Variants in B3GALT1 observed in about 807,000 individuals in gnomAD.
The protein encoded by B3GALT1 is UDP-Gal:betaGlcNAc beta 1,3-galactosyltransferase, polypeptide 1.
Under a neutral mutation model 23.2 loss-of-function variants are expected in B3GALT1, and 10 were observed. The ratio of observed to expected loss-of-function variants is 0.43; its 90% CI spans 0.27 to 0.73. B3GALT1 has a LOEUF of 0.73. Among genes scored for constraint, B3GALT1 ranks in the 30% least tolerant of loss-of-function variants. The probability of loss-of-function intolerance (pLI) is 0.21; values close to 1 mark genes in which losing one functional copy is unlikely to be tolerated. For synonymous variants in B3GALT1, 156 were observed against 141.5 expected (o/e 1.10, Z -0.73); for missense variants, 299 against 405.4 (o/e 0.74, Z 2.25).
intron 3 of B3GALT1, among the ~76,000 whole-genome samples, chr2:167,725,579 A>G (rs1156769131): frequency 6.6e-6 from 1 of 152,206 alleles, no homozygotes; most frequent in Non-Finnish European, 1.5e-5. Flanking sequence ...GGGCTAAAAT[A>G]CTTTCCCAAG....
chr2:167,466,905 T>G (rs1339982696), intron 1 of B3GALT1, among the ~76,000 whole-genome samples: 1 of 146,392 alleles, frequency 6.8e-6, no homozygotes, highest in African/African-American at 2.5e-5. Context: ...TTTTTTGTAT[T>G]TTAGTAGAGA....
chr2:167,587,657 C>G (rs1371361975), intron 2 of B3GALT1, among the ~76,000 whole-genome samples: 2 of 152,162 alleles, frequency 1.3e-5, no homozygotes, highest in African/African-American at 4.8e-5. Context: ...CTTTACTTCA[C>G]AAGATATGGC....
At chr2:167,465,958 A>G (rs1019947608) in intron 1 of B3GALT1, among the ~76,000 whole-genome samples, 1 of 152,022 alleles carries the variant, frequency 6.6e-6, no homozygotes, top group African/African-American at 2.4e-5. Context: ...AGAAAAGCTC[A>G]GTGACATTAT....
chr2:167,516,796 T>C (rs183117958), intron 2 of B3GALT1, among the ~76,000 whole-genome samples: 56 of 152,148 alleles, frequency 3.7e-4, no homozygotes, highest in Non-Finnish European at 3.8e-4. Flanking sequence ...CATGTAATGC[T>C]GCAGCCATAA....
At position 167,714,191 on chromosome 2, in the gene B3GALT1, C is replaced by T. The variant is rs1477453694; in HGVS notation, c.-352+67225C>T. On this transcript the variant is annotated intron_variant, in intron 3 of 4. Transcript: ENST00000392690. ...CAGTCTATCAGAATTAGAATAAAAT[C>T]TGTCTTCCCTTTGTGGAGGAAGAGC... 2.0e-6 allele frequency: 3 copies of T among 1,514,380 alleles called. No individual in the cohort carries two copies. In the South Asian group the frequency reaches 3.4e-5, roughly 17 times the overall value. 93.8% of individuals were successfully genotyped at this position (1,514,380 alleles called of 1,614,324 possible).
intron 1 of B3GALT1, among the ~76,000 whole-genome samples, chr2:167,435,190 T>A (rs936456200): frequency 2.6e-5 from 4 of 151,768 alleles, no homozygotes; most frequent in Non-Finnish European, 4.4e-5. Context: ...TTTTTAGGCT[T>A]TACAACAACC....
intron 1 of B3GALT1, among the ~76,000 whole-genome samples, chr2:167,469,932 A>C (rs920714273): frequency 2.4e-4 from 37 of 152,316 alleles, no homozygotes; most frequent in Non-Finnish European, 8.8e-5. Context: ...AAATTGTATA[A>C]ATTTTTTAGG....
intron 3 of B3GALT1, among the ~76,000 whole-genome samples, chr2:167,786,658 T>G (rs1688349294): frequency 6.6e-6 from 1 of 152,230 alleles, no homozygotes; most frequent in African/African-American, 2.4e-5. Flanking sequence ...TATTTGTAAC[T>G]GAAACATCAA....
chr2:167,462,893 A>G (rs932962451), intron 1 of B3GALT1, among the ~76,000 whole-genome samples: 24 of 152,308 alleles, frequency 1.6e-4, no homozygotes, highest in African/African-American at 4.8e-4. Context: ...CACCTTTTTC[A>G]GAGAATAAAA....
intron 4 of B3GALT1, among the ~76,000 whole-genome samples, chr2:167,822,304 T>C (rs116073321): frequency 0.018 from 2,589 of 141,214 alleles, 74 homozygotes; most frequent in African/African-American, 0.063. Context: ...TCAGAAGAGG[T>C]GCTAAACTAA....
At chr2:167,413,705 C>A (rs927075890) in intron 1 of B3GALT1, among the ~76,000 whole-genome samples, 21 of 151,650 alleles carry the variant, frequency 1.4e-4, no homozygotes, top group Non-Finnish European at 2.9e-5. Flanking sequence ...CTGATATATC[C>A]TTTTTCATTA....
At position 167,744,288 on chromosome 2, in the gene B3GALT1, A is replaced by G. The variant is rs1413360819; in HGVS notation, c.-351-74384A>G. 3.9e-5 allele frequency among the ~76,000 whole-genome samples: 6 copies of G among 152,264 alleles called. 1 individual carries two copies. In the South Asian group the frequency reaches 1.2e-3, roughly 32 times the overall value. On this transcript the variant is annotated intron_variant, in intron 3 of 4. Transcript: ENST00000392690. ...TTCATCATTTTTATCTGCTTCATCT[A>G]TTAATTGAAAGGGTTGTATTTGGAA...
At chr2:167,688,239 A>C (rs958700792) in intron 3 of B3GALT1, among the ~76,000 whole-genome samples, 2 of 152,120 alleles carry the variant, frequency 1.3e-5, no homozygotes, top group African/African-American at 4.8e-5. Context: ...TAATAAAAGC[A>C]CCTTAGCAAA....
Position 167,512,621 on chromosome 2 carries a change from C to T in B3GALT1, c.-410+22344C>T, listed in dbSNP as rs57117354. On this transcript the variant is annotated intron_variant, in intron 2 of 4. Transcript: ENST00000392690. ...ATATATATATATGTATATATATATA[C>T]GTGTATATATATATACATATATATA... Among the ~76,000 whole-genome samples, 638 of 37,488 alleles carry T rather than the reference C, an allele frequency of 0.017. 35 individuals carry two copies. In the East Asian group the frequency reaches 0.2, roughly 11 times the overall value. 24.6% of individuals were successfully genotyped at this position (37,488 alleles called of 152,430 possible). A position where few individuals can be genotyped will look rare whatever the true frequency, so the allele number is the denominator to read the frequency against.
At chr2:167,707,568 A>G (rs1288894820) in intron 3 of B3GALT1, among the ~76,000 whole-genome samples, 2 of 150,678 alleles carry the variant, frequency 1.3e-5, no homozygotes, top group East Asian at 1.9e-4. Flanking sequence ...TCCTTTCTCC[A>G]TCTTGAAAAC....
At chr2:167,789,709 G>A (rs890887766) in intron 3 of B3GALT1, among the ~76,000 whole-genome samples, 2 of 152,092 alleles carry the variant, frequency 1.3e-5, no homozygotes, top group Non-Finnish European at 2.9e-5. Context: ...AAAGAGGAAT[G>A]TTATTGTAGA....
At chr2:167,445,973 G>A (rs1264681167) in intron 1 of B3GALT1, among the ~76,000 whole-genome samples, 1 of 152,138 alleles carries the variant, frequency 6.6e-6, no homozygotes, top group Non-Finnish European at 1.5e-5. Flanking sequence ...AGACTTTACA[G>A]TTTGGCATGT....
intron 3 of B3GALT1, among the ~76,000 whole-genome samples, chr2:167,742,172 C>T (rs79438384): frequency 5.8e-4 from 88 of 152,274 alleles, no homozygotes; most frequent in African/African-American, 1.9e-3. Flanking sequence ...GTGTTTTTCA[C>T]TCTCGGTTTT....
intron 3 of B3GALT1, among the ~76,000 whole-genome samples, chr2:167,806,800 G>C (rs1289608063): frequency 6.6e-6 from 1 of 152,240 alleles, no homozygotes; most frequent in East Asian, 1.9e-4. Flanking sequence ...TCTCTGCCAG[G>C]CTTTGGTATC....
Sources: allele counts gnomAD v4.1 joint callset (sites outside exome capture counted in the v4.1 genomes callset), GRCh38; gene constraint gnomAD v4.1.1; transcripts MANE v1.5; gene names NCBI Gene and HGNC (gene_info 2026-07-23, HGNC 2026-07-21).